CHAT: variants seen among roughly 807,000 people sequenced by gnomAD.
CHAT encodes the protein choline O-acetyltransferase.
Under a neutral mutation model 76.9 loss-of-function variants are expected in CHAT, and 61 were observed. The ratio of observed to expected loss-of-function variants is 0.79; its 90% CI spans 0.65 to 0.98. The LOEUF (loss-of-function observed/expected upper bound fraction) is 0.98, where lower values mean the gene tolerates loss of function less well. Among genes scored for constraint, CHAT ranks in the 50% least tolerant of loss-of-function variants. The probability of loss-of-function intolerance (pLI) is 0.00; values close to 1 mark genes in which losing one functional copy is unlikely to be tolerated. For missense variants in CHAT, 946 were observed against 986.9 expected, an observed-to-expected ratio of 0.96 and a Z score of 0.56; for synonymous variants, 407 against 397.4, an observed-to-expected ratio of 1.02 and a Z score of -0.29.
chr10:49,653,081 C>T (rs779429255), intron 11 of CHAT, among the ~76,000 whole-genome samples: 15 of 151,972 alleles, frequency 9.9e-5, no homozygotes, highest in Admixed American at 2.6e-4. Context: ...GCGACCCTGA[C>T]ATTCTGGGCA....
At position 49,619,771 on chromosome 10, in the gene CHAT, C is replaced by T. The variant is rs766040346; in HGVS notation, c.434C>T (p.Thr145Met). The change falls in exon 3 of 15, where the codon ACG becomes ATG. Residue 145 changes from threonine (T) to methionine (M), a missense_variant. Around this residue, in one of 3 missense-constraint regions of CHAT, gnomAD observed 548 missense variants for 516.2 expected, o/e 1.06. Coordinates refer to ENST00000337653, the MANE Select transcript of CHAT (RefSeq NM_020549.5). The stretch of plus-strand genomic sequence containing the variant: ...CCCCCGCTGCAGCAGACCCTGGCCA[C>T]GTACCTGCAGTGCATGCGACACTTG... Reference protein sequence around the residue: ...PVPPLQQTLATYLQCMRHLVS... With the variant: ...PVPPLQQTLAMYLQCMRHLVS... 9 of 1,613,834 alleles carry T rather than the reference C, an allele frequency of 5.6e-6. No homozygotes were observed. The highest frequency in any genetic ancestry group is 4.5e-5 in the East Asian group (2 of 44,890).
intron 10 of CHAT, 146 bp from the exon 11 acceptor site, chr10:49,651,738 C>A: frequency 1.3e-6 from 1 of 750,836 alleles, no homozygotes; most frequent in Non-Finnish European, 2.2e-6. Flanking sequence ...TCTCTGACAC[C>A]TCAGTGCACT....
Position 49,651,836 on chromosome 10 carries a change from C to CA in CHAT, c.1512-47dup, listed in dbSNP as rs1403458168. 2.5e-6 allele frequency: 4 copies of CA among 1,585,022 alleles called. No homozygotes were observed. The African/African-American group carries it at 4.0e-5, about 16-fold the overall frequency. On this transcript the variant is annotated intron_variant, in intron 10 of 14. Transcript: ENST00000337653. ...AGCCCGGGGAAACCCCAGATGCATGCATACTGTTTTGCATGCAATAAAAAC... is the reference window on the plus strand; with the variant it reads ...AGCCCGGGGAAACCCCAGATGCATGCAATACTGTTTTGCATGCAATAAAAAC...
chr10:49,654,898 G>A (rs536254360), intron 11 of CHAT, among the ~76,000 whole-genome samples, 197 bp from the exon 12 acceptor site: 23 of 152,006 alleles, frequency 1.5e-4, no homozygotes, highest in Non-Finnish European at 2.9e-4. Context: ...ATAAGCAAAC[G>A]TGGCTCTCCA....
chr10:49,613,762 G>C (rs1838367160), upstream of CHAT, among the ~76,000 whole-genome samples: 1 of 152,202 alleles, frequency 6.6e-6, no homozygotes, highest in Non-Finnish European at 1.5e-5. Context: ...CATCAGGATT[G>C]TCCCAAGTCT....
intron 11 of CHAT, among the ~76,000 whole-genome samples, chr10:49,652,526 C>T (rs1320142648): frequency 6.6e-6 from 1 of 152,202 alleles, no homozygotes; most frequent in Non-Finnish European, 1.5e-5. Flanking sequence ...CTGCCCTCCA[C>T]CTCCACTGCC....
At chr10:49,630,828 A>G (rs2177370) in intron 7 of CHAT, among the ~76,000 whole-genome samples, 68,886 of 151,984 alleles carry the variant, frequency 0.45, 16,321 homozygotes, top group East Asian at 0.76. Flanking sequence ...AGGTAGGAGC[A>G]TGCAGAGGCT....
Position 49,665,157 on chromosome 10 carries a change from T to A in CHAT, c.*111T>A. On this transcript the variant is annotated 3_prime_UTR_variant, in exon 15 of 15. Transcript: ENST00000337653. ...TTTCCACAGCTCCCTGTCCTCAGGG[T>A]CCAACTCACAGACCATACAGAGACA... is the stretch of plus-strand genomic sequence containing the variant. The A allele has an allele frequency of 1.7e-6, 2 of 1,189,102 alleles. No individual in the cohort carries two copies. Among genetic ancestry groups the A allele is most frequent in the Non-Finnish European group, 1.2e-6 (1 of 805,636 alleles). 73.7% of individuals were successfully genotyped at this position (1,189,102 alleles called of 1,614,324 possible). A position where few individuals can be genotyped will look rare whatever the true frequency, so the allele number is the denominator to read the frequency against.
chr10:49,649,960 A>C (rs1839822837), intron 10 of CHAT, among the ~76,000 whole-genome samples: 1 of 151,376 alleles, frequency 6.6e-6, no homozygotes, highest in African/African-American at 2.4e-5. Context: ...GGAGTAATAA[A>C]CAACTGGTTT....
At chr10:49,614,757 G>T (rs1590551864) in intron 1 of CHAT, among the ~76,000 whole-genome samples, 1 of 152,212 alleles carries the variant, frequency 6.6e-6, no homozygotes, top group African/African-American at 2.4e-5. Flanking sequence ...CCAGGTCCGC[G>T]CTTTCTGTGT....
intron 7 of CHAT, among the ~76,000 whole-genome samples, chr10:49,641,078 C>T (rs1460096695): frequency 2.0e-5 from 3 of 152,244 alleles, no homozygotes; most frequent in African/African-American, 4.8e-5. Context: ...TAGGCAACTA[C>T]AAGCCACCTT....
At chr10:49,659,908 G>T (rs1445450736) in intron 13 of CHAT, among the ~76,000 whole-genome samples, 2 of 151,946 alleles carry the variant, frequency 1.3e-5, no homozygotes, top group East Asian at 3.9e-4. Flanking sequence ...GAAAGCTAAG[G>T]AAGTAAAAAA....
chr10:49,612,037 G>T, upstream of CHAT: 1 of 1,613,746 alleles, frequency 6.2e-7, no homozygotes, highest in Non-Finnish European at 8.5e-7. Flanking sequence ...GGTGGCCTAC[G>T]CGCTCGGGCC....
At chr10:49,634,246 C>T (rs1447189528) in intron 7 of CHAT, among the ~76,000 whole-genome samples, 1 of 152,184 alleles carries the variant, frequency 6.6e-6, no homozygotes, top group Non-Finnish European at 1.5e-5. Flanking sequence ...TCTCCTGGGG[C>T]CTGGGCTTCC....
At chr10:49,656,950 T>G (rs1840054049) in intron 13 of CHAT, among the ~76,000 whole-genome samples, 1 of 152,028 alleles carries the variant, frequency 6.6e-6, no homozygotes, top group Non-Finnish European at 1.5e-5. Context: ...TGTCACTCTC[T>G]CTGAAACCCT....
rs1373606481 is a variant in CHAT at position 49,648,504 on chromosome 10, C to T, written c.1282-3C>T. On this transcript the variant is annotated splice_region_variant and splice_polypyrimidine_tract_variant and intron_variant, in intron 8 of 14. Coordinates refer to ENST00000337653, the MANE Select transcript of CHAT (RefSeq NM_020549.5). ...ATCGCCCACTCCCTCTTTCCTGTTG[C>T]AGTTTGTGGTGGGCCGAGACGGCAC... is the stretch of plus-strand genomic sequence containing the variant. 3.7e-6 allele frequency: 6 copies of T among 1,612,136 alleles called. No homozygotes were observed. The highest frequency in any genetic ancestry group is 3.3e-5 in the Admixed American group (2 of 59,996).
chr10:49,612,170 G>T (rs1838317195), upstream of CHAT: 5 of 1,610,484 alleles, frequency 3.1e-6, no homozygotes, highest in South Asian at 2.2e-5. Flanking sequence ...CTCCTGACGC[G>T]CTCCCGTTCC....
chr10:49,617,359 C>A (rs1228529626), intron 2 of CHAT, among the ~76,000 whole-genome samples: 1 of 152,228 alleles, frequency 6.6e-6, no homozygotes, highest in Admixed American at 6.5e-5. Flanking sequence ...TCCTTCAGAG[C>A]AGGCTCTGTT....
At chr10:49,654,556 G>C (rs1367546349) in intron 11 of CHAT, among the ~76,000 whole-genome samples, 1 of 152,262 alleles carries the variant, frequency 6.6e-6, no homozygotes, top group Non-Finnish European at 1.5e-5. Flanking sequence ...TCAGGACACA[G>C]TCATCAGGGA....
Sources: gnomAD v4.1 joint callset for allele counts (sites outside exome capture counted in the v4.1 genomes callset) on GRCh38, gnomAD v4.1.1 for gene constraint, gnomAD v4.1.1 regional missense constraint, MANE v1.5 for transcripts, NCBI Gene and HGNC (gene_info 2026-07-23, HGNC 2026-07-21) for gene names.